The following TRIOBP variants were observed in gnomAD, a reference collection of about 807,000 sequenced individuals.
TRIOBP encodes the protein TRIO and F-actin-binding protein.
A neutral mutation model predicts 238.8 loss-of-function variants in TRIOBP; 169 were observed. The observed-to-expected ratio is 0.71, with a 90% CI of 0.62 to 0.80. The LOEUF (loss-of-function observed/expected upper bound fraction) is 0.80, where lower values mean the gene tolerates loss of function less well. Ranked by LOEUF, TRIOBP falls within the 30% of genes least tolerant of loss-of-function variation. The probability of loss-of-function intolerance (pLI) is 0.00; values close to 1 mark genes in which losing one functional copy is unlikely to be tolerated. For synonymous variants in TRIOBP, 1,150 were observed against 1,274.4 expected, an observed-to-expected ratio of 0.90 and a Z score of 2.08; for missense variants, 2,838 against 3,122.6, an observed-to-expected ratio of 0.91 and a Z score of 2.17.
rs1249091427 is a variant in TRIOBP at position 37,758,019 on chromosome 22, G to A, written c.6094G>A (p.Glu2032Lys). 1.2e-6 allele frequency: 2 copies of A among 1,609,950 alleles called. No homozygotes were observed. The highest frequency in any genetic ancestry group is 1.1e-5 in the South Asian group (1 of 90,704). ...TGAGGAGATCGAGAAGAAGTGGCAG[G>A]AGCTGGAGAAGCTGCCCCTGCGGGA... Reference protein sequence around the residue: ...LSEEIEKKWQELEKLPLRENK... With the variant: ...LSEEIEKKWQKLEKLPLRENK... The change falls in exon 16 of 24, where the codon GAG (glutamate) becomes AAG (lysine). Residue 2032 changes from glutamate to lysine, a missense_variant. Physicochemically the swap from Glu to Lys is moderately conservative, Grantham distance 56. Coordinates refer to ENST00000644935, the MANE Select transcript of TRIOBP (RefSeq NM_001039141.3).
At chr22:37,755,692 A>G (rs1306762179) in intron 15 of TRIOBP, 33 bp downstream of exon 15, 10 of 1,601,044 alleles carry the variant, frequency 6.2e-6, no homozygotes, top group African/African-American at 1.3e-5. Context: ...GCCTTGAGGG[A>G]GGCACTTACC....
At chr22:37,703,561 G>A (rs1922771126) in intron 3 of TRIOBP, among the ~76,000 whole-genome samples, 1 of 144,336 alleles carries the variant, frequency 6.9e-6, no homozygotes, top group African/African-American at 2.6e-5. Flanking sequence ...CTGGAGTACA[G>A]TGGTGCGATC....
In TRIOBP at chr22:37,726,293, CG is replaced by C. The variant is rs776330278; in HGVS notation, c.3740del (p.Gly1247AlafsTer109). On this transcript the variant is annotated frameshift_variant, in exon 7 of 24. Coordinates refer to ENST00000644935, the MANE Select transcript of TRIOBP (RefSeq NM_001039141.3). LOFTEE classifies it high-confidence loss of function. ...GCGTTCCTGGCACCCTCACCTTCAC[CG>C]GGCAGCTCTGGGGGCTCCCGGGGCT... ...DLAFLAPSPS[P>X]GSSGGSRGSA... The C allele has an allele frequency of 6.2e-7, 1 of 1,613,012 alleles. No individual in the cohort carries two copies. The highest frequency in any genetic ancestry group is 1.7e-5 in the Admixed American group (1 of 60,012).
rs1159561883 is a variant in TRIOBP, at chr22:37,715,867, C to A, written c.561C>A (p.Ser187=). The change falls in exon 6 of 24, where the codon TCC becomes TCA. Residue 187 remains serine, a synonymous_variant. Transcript: ENST00000644935. The part of the protein sequence containing the change: ...RPREGPRADS[S]QRAPSLLTRS... The stretch of plus-strand genomic sequence containing the variant: ...GGGAGGGGCCGAGAGCTGACAGCTC[C>A]CAAAGGGCTCCGTCTCTCCTCACCA... 1.9e-6 allele frequency: 3 copies of A among 1,613,718 alleles called. No homozygotes were observed. The highest frequency in any genetic ancestry group is 2.5e-6 in the Non-Finnish European group (3 of 1,179,942).
intron 7 of TRIOBP, among the ~76,000 whole-genome samples, chr22:37,732,694 GGAAAA>G (rs1032604131): frequency 2.0e-5 from 3 of 152,030 alleles, no homozygotes; most frequent in African/African-American, 7.3e-5. Flanking sequence ...GAGGGAAAAA[GGAAAA>G]GAAATCCAAA....
chr22:37,755,432 C>T, intron 14 of TRIOBP, 118 bp from the exon 15 acceptor site: 1 of 1,027,482 alleles, frequency 9.7e-7, no homozygotes, highest in Non-Finnish European at 1.5e-6. Context: ...CTGCCCACCC[C>T]AGACTCAAGA....
intron 3 of TRIOBP, among the ~76,000 whole-genome samples, chr22:37,707,185 AGAATTTCTT>A (rs1922989493): frequency 6.6e-6 from 1 of 152,156 alleles, no homozygotes; most frequent in South Asian, 2.1e-4. Flanking sequence ...CTGAGGCAGG[AGAATTTCTT>A]GAATCCGGGA....
At chr22:37,723,078 G>C in intron 6 of TRIOBP, 107 bp from the exon 7 acceptor site, 2 of 1,071,308 alleles carry the variant, frequency 1.9e-6, no homozygotes, top group Non-Finnish European at 2.7e-6. Flanking sequence ...GTAGGAGGAG[G>C]GTGTGGGGTT....
chr22:37,737,408 T>C (rs1477045974), intron 9 of TRIOBP, among the ~76,000 whole-genome samples: 2 of 152,006 alleles, frequency 1.3e-5, no homozygotes, highest in African/African-American at 2.4e-5. Context: ...ACATCTGTAA[T>C]CCCAGCACTT....
At chr22:37,718,172 A>C (rs1923633551) in intron 6 of TRIOBP, among the ~76,000 whole-genome samples, 1 of 152,160 alleles carries the variant, frequency 6.6e-6, no homozygotes, top group Admixed American at 6.5e-5. Flanking sequence ...CCGGAACTCC[A>C]GCTGGCCCAC....
At chr22:37,759,897 A>G (rs1017183523) in intron 17 of TRIOBP, 3 of 392,962 alleles carry the variant, frequency 7.6e-6, no homozygotes, top group African/African-American at 6.3e-5. Flanking sequence ...AAATTTTACC[A>G]ATAAAAACAA....
Position 37,699,648 on chromosome 22 carries a change from T to G in TRIOBP, c.-60-1658T>G, listed in dbSNP as rs183133263. Among the ~76,000 whole-genome samples, 58 of 152,156 alleles carry G rather than the reference T, an allele frequency of 3.8e-4. No individual in the cohort carries two copies. The East Asian group carries it at 7.0e-3, about 18-fold the overall frequency. On this transcript the variant is annotated intron_variant, in intron 2 of 23. Coordinates refer to ENST00000644935, the MANE Select transcript of TRIOBP (RefSeq NM_001039141.3). ...CCTCCGCCTCCTGGGTTCAAGTGAT[T>G]CTCCTGCCTCAGCCTCCCGAGTAAC... is the stretch of plus-strand genomic sequence containing the variant.
intron 6 of TRIOBP, among the ~76,000 whole-genome samples, chr22:37,722,275 A>C (rs989712628): frequency 6.6e-6 from 1 of 152,156 alleles, no homozygotes; most frequent in African/African-American, 2.4e-5. Context: ...TAAAAACACA[A>C]AAATGAGCTG....
intron 17 of TRIOBP, 51 bp downstream of exon 17, chr22:37,759,315 C>A (rs558674917): frequency 3.9e-6 from 6 of 1,556,714 alleles, no homozygotes; most frequent in Admixed American, 1.7e-5. Context: ...TTCTGCTTGC[C>A]GTGTTATCAG....
rs1569041649 is a variant in TRIOBP at position 37,724,972 on chromosome 22, C to T, written c.2416C>T (p.Pro806Ser). The T allele has an allele frequency of 6.2e-7, 1 of 1,613,942 alleles. No homozygotes were observed. Among genetic ancestry groups the T allele is most frequent in the Non-Finnish European group, 8.5e-7 (1 of 1,179,892 alleles). Residue 806 changes from proline to serine, a missense_variant, in exon 7 of 24, where the codon CCC becomes TCC. Physicochemically the swap from Pro to Ser is moderately conservative, Grantham distance 74. Transcript: ENST00000644935. ...GCGGGACAATCTCAGAGCCTCCTCT[C>T]CCATCAGAGCCACCCAACAGGACAA... is the stretch of plus-strand genomic sequence containing the variant. The part of the protein sequence containing the change: ...AQRDNLRASS[P>S]IRATQQDNPR...
chr22:37,772,742 C>G lies in TRIOBP; in HGVS notation c.7078C>G (p.Arg2360Gly), dbSNP rs371230470. 1 of 1,613,612 alleles carries G rather than the reference C, an allele frequency of 6.2e-7. No homozygotes were observed. Among genetic ancestry groups the G allele is most frequent in the Non-Finnish European group, 8.5e-7 (1 of 1,180,022 alleles). ...MAALQEKESM[R>G]NSLAE ...CGCCCTCCAGGAGAAGGAGTCGATGCGCAACAGCCTGGCTGAGTAGAGGTG... is the reference window on the plus strand; with the variant it reads ...CGCCCTCCAGGAGAAGGAGTCGATGGGCAACAGCCTGGCTGAGTAGAGGTG... Residue 2360 changes from arginine to glycine, a missense_variant, in exon 23 of 24, where the codon CGC becomes GGC. Physicochemically the swap from Arg to Gly is moderately radical, Grantham distance 125. Around this residue, in one of 5 missense-constraint regions of TRIOBP, gnomAD observed 2,096 missense variants for 2,137.4 expected, o/e 0.98. Transcript: ENST00000644935.
chr22:37,725,773 G>T lies in TRIOBP; in HGVS notation c.3217G>T (p.Ala1073Ser), dbSNP rs781731446. The change falls in exon 7 of 24, where the codon GCG (alanine) becomes TCG (serine). Residue 1073 changes from alanine to serine, a missense_variant. Transcript: ENST00000644935. Reference protein sequence around the residue: ...VCIGHRDAPRASSPPRHTQFD... With the variant: ...VCIGHRDAPRSSSPPRHTQFD... ...CATTGGACACCGAGATGCCCCCCGG[G>T]CGTCCTCGCCCCCCCGCCACACCCA... 20 of 1,608,340 alleles carry T rather than the reference G, an allele frequency of 1.2e-5. No individual in the cohort carries two copies. Among genetic ancestry groups the T allele is most frequent in the Admixed American group, 5.0e-5 (3 of 59,738 alleles).
intron 22 of TRIOBP, 149 bp from the exon 23 acceptor site, chr22:37,772,452 C>G: frequency 9.3e-7 from 1 of 1,080,194 alleles, no homozygotes; most frequent in Non-Finnish European, 1.4e-6. Flanking sequence ...AGGGGTAAGC[C>G]CAGAACCCAC....
rs548567709 is a variant in TRIOBP at position 37,749,757 on chromosome 22, G to A, written c.5323-2015G>A. Among the ~76,000 whole-genome samples the A allele has an allele frequency of 9.0e-5, 13 of 144,202 alleles. 1 individual carries two copies. In the South Asian group the frequency reaches 2.0e-3, roughly 22 times the overall value. The allele number at this position is 144,202 out of a possible 152,430, so 94.6% of individuals were successfully genotyped here. On this transcript the variant is annotated intron_variant, in intron 11 of 23. Coordinates refer to ENST00000644935, the MANE Select transcript of TRIOBP (RefSeq NM_001039141.3). ...AGCTCAGGAGTTTGAAACCAACCTG[G>A]GAAACATAGGGAGACCCCATCTCTA...
Sources: gnomAD v4.1 joint callset for allele counts (sites outside exome capture counted in the v4.1 genomes callset) on GRCh38, gnomAD v4.1.1 for gene constraint, gnomAD v4.1.1 regional missense constraint, MANE v1.5 for transcripts, NCBI Gene and HGNC (gene_info 2026-07-23, HGNC 2026-07-21) for gene names.